Variants in SELENOV observed in about 807,000 individuals in gnomAD.
The protein encoded by SELENOV is selenoprotein V.
SELENOV carries 25 observed loss-of-function variants against 21.6 expected under a neutral mutation model. The ratio of observed to expected loss-of-function variants is 1.16; its 90% CI spans 0.84 to 1.62. SELENOV has a LOEUF of 1.62. Ranked by LOEUF, SELENOV falls within the 40% of genes most tolerant of loss-of-function variation. The pLI is 0.00. For synonymous variants in SELENOV, 227 were observed against 216.9 expected, an observed-to-expected ratio of 1.05 and a Z score of -0.41; for missense variants, 472 against 459.0, an observed-to-expected ratio of 1.03 and a Z score of -0.26.
At position 39,515,200 on chromosome 19, in the gene SELENOV, C is replaced by A. The variant is rs1025697377; in HGVS notation, c.-13C>A. ...GACTCCCCAACCGGCTTGCCCCGGT[C>A]CCCCTGGGCCCCATGAATAACCAGG... is the stretch of plus-strand genomic sequence containing the variant. On this transcript the variant is annotated 5_prime_UTR_variant, in exon 1 of 6. Coordinates refer to ENST00000335426, the Ensembl canonical transcript of SELENOV. The surrounding 1 kb of genome is among the most constrained non-coding windows in gnomAD (Gnocchi z 5.1). The A allele has an allele frequency of 2.5e-5, 37 of 1,500,606 alleles. No individual in the cohort carries two copies. The Admixed American group carries it at 7.4e-4, about 30-fold the overall frequency. The allele number at this position is 1,500,606 out of a possible 1,614,324, so 93.0% of individuals were successfully genotyped here. A position where few individuals can be genotyped will look rare whatever the true frequency, so the allele number is the denominator to read the frequency against.
intron 1 of SELENOV, among the ~76,000 whole-genome samples, chr19:39,518,257 C>A (rs977676624): frequency 7.1e-5 from 10 of 141,466 alleles, no homozygotes; most frequent in African/African-American, 2.7e-4. Flanking sequence ...GGCAACAGAG[C>A]GAGACTCCGT....
In SELENOV at chr19:39,515,326, G is replaced by A; in HGVS notation, c.114G>A (p.Arg38=). 4 of 1,551,330 alleles carry A rather than the reference G, an allele frequency of 2.6e-6. No homozygotes were observed. The highest frequency in any genetic ancestry group is 3.5e-6 in the Non-Finnish European group (4 of 1,146,870). Residue 38 remains arginine, a synonymous_variant, in exon 1 of 6, where the codon CGG becomes CGA. Transcript: ENST00000335426. This position sits in a 1 kb window ranked among gnomAD's most constrained non-coding sequence, Gnocchi z 5.1. Reference sequence around the variant, plus strand: ...CACTCCGGACCCCGACTCCGGTCCGGACTCGGACCCCCATCCGGACCCTGA... The same window carrying A: ...CACTCCGGACCCCGACTCCGGTCCGAACTCGGACCCCCATCCGGACCCTGA...
Position 39,515,137 on chromosome 19 carries a change from G to GGA in SELENOV, c.-73_-72dup, listed in dbSNP as rs1195636177. ...GCGCCGCGTCTCAGAACCCGGTGCG[G>GGA]GAGACGCTCTCCCCGCCCAAAGAGG... On this transcript the variant is annotated 5_prime_UTR_variant, in exon 1 of 6. Transcript: ENST00000335426. The surrounding 1 kb of genome is among the most constrained non-coding windows in gnomAD (Gnocchi z 5.1). The GGA allele has an allele frequency of 1.1e-6, 1 of 914,314 alleles. No individual in the cohort carries two copies. The highest frequency in any genetic ancestry group is 2.6e-5 in the Admixed American group (1 of 39,018). The allele number at this position is 914,314 out of a possible 1,614,324, so 56.6% of individuals were successfully genotyped here.
intron 1 of SELENOV, chr19:39,518,331 C>T (rs1281561917): frequency 4.0e-6 from 2 of 504,482 alleles, no homozygotes; most frequent in Non-Finnish European, 3.5e-6. Flanking sequence ...GAAAGATGAG[C>T]TAGGGGCTTC....
intron 1 of SELENOV, among the ~76,000 whole-genome samples, chr19:39,517,357 A>G (rs75826804): frequency 1.0e-3 from 156 of 152,270 alleles, no homozygotes; most frequent in African/African-American, 3.6e-3. Flanking sequence ...CATCAGGGAC[A>G]CAGCAGTGAA....
At position 39,515,874 on chromosome 19, in the gene SELENOV, C is replaced by T. The variant is rs778421837; in HGVS notation, c.662C>T (p.Ala221Val). 1 of 1,559,528 alleles carries T rather than the reference C, an allele frequency of 6.4e-7. No homozygotes were observed. The highest frequency in any genetic ancestry group is 8.7e-7 in the Non-Finnish European group (1 of 1,152,162). ...GCAGACCCGTCGGCCATCGGGCTGGCGGATCCCCCCATTCCCAGTCCTGTC... is the reference window on the plus strand; with the variant it reads ...GCAGACCCGTCGGCCATCGGGCTGGTGGATCCCCCCATTCCCAGTCCTGTC... Residue 221 changes from alanine (A) to valine (V), a missense_variant, in exon 1 of 6, where the codon GCG becomes GTG. Physicochemically the swap from Ala to Val is moderately conservative, Grantham distance 64 (BLOSUM62 0). Coordinates refer to ENST00000335426, the Ensembl canonical transcript of SELENOV. The surrounding 1 kb of genome is among the most constrained non-coding windows in gnomAD (Gnocchi z 5.1).
chr19:39,518,138 G>A (rs953430749), intron 1 of SELENOV, among the ~76,000 whole-genome samples: 12 of 151,610 alleles, frequency 7.9e-5, no homozygotes, highest in Non-Finnish European at 1.2e-4. Context: ...GGGCGTGGTG[G>A]TGGGCGCCTA....
At chr19:39,517,979 A>C (rs2079705977) in intron 1 of SELENOV, among the ~76,000 whole-genome samples, 1 of 138,742 alleles carries the variant, frequency 7.2e-6, no homozygotes, top group African/African-American at 2.7e-5. Flanking sequence ...AAAAAAAAAA[A>C]AAAAAAAAAA....
intron 5 of SELENOV, 21 bp from the exon 6 acceptor site, chr19:39,520,125 T>G (rs1375868913): frequency 6.6e-6 from 1 of 152,662 alleles, no homozygotes; most frequent in African/African-American, 2.4e-5. Context: ...TTAAAATTCT[T>G]TTCTTTCTCT....
intron 1 of SELENOV, 37 bp downstream of exon 1, chr19:39,516,058 G>A (rs1568454761): frequency 6.5e-7 from 1 of 1,539,602 alleles, no homozygotes; most frequent in African/African-American, 1.4e-5. Flanking sequence ...AACCCCCGGG[G>A]ACAGGGCCGG....
chr19:39,518,278 C>CAA (rs1198367446), intron 1 of SELENOV, among the ~76,000 whole-genome samples: 13 of 47,104 alleles, frequency 2.8e-4, no homozygotes, highest in African/African-American at 4.0e-4. Context: ...CTCAAAAAAA[C>CAA]AAAAAAACAA....
At chr19:39,519,149 C>T in exon 5 of SELENOV, 1 of 1,613,404 alleles carries the variant, frequency 6.2e-7, no homozygotes, top group Non-Finnish European at 8.5e-7. Flanking sequence ...GAAAAGGTAG[C>T]CGGCAAGGGG....
chr19:39,519,244 C>T (rs941634925), intron 5 of SELENOV, 74 bp downstream of exon 5: 16 of 988,292 alleles, frequency 1.6e-5, no homozygotes, highest in Middle Eastern at 2.9e-4. Flanking sequence ...GGCTCTGTCT[C>T]AGTCCTGATC....
At position 39,515,582 on chromosome 19, in the gene SELENOV, G is replaced by T; in HGVS notation, c.370G>T (p.Ala124Ser). The T allele has an allele frequency of 6.5e-7, 1 of 1,547,848 alleles. No homozygotes were observed. The highest frequency in any genetic ancestry group is 8.7e-7 in the Non-Finnish European group (1 of 1,146,686). The change falls in exon 1 of 6, where the codon GCC becomes TCC. Residue 124 changes from alanine to serine, a missense_variant. Coordinates refer to ENST00000335426, the Ensembl canonical transcript of SELENOV. The surrounding 1 kb of genome is among the most constrained non-coding windows in gnomAD (Gnocchi z 5.1). ...CCTGACTCCTCCAGTCCGGGTCCCA[G>T]CCCCAGCCCCAGCCCAGCTCCTGGC... is the stretch of plus-strand genomic sequence containing the variant.
chr19:39,519,075 G>C, exon 5 of SELENOV: 1 of 1,613,850 alleles, frequency 6.2e-7, no homozygotes, highest in Non-Finnish European at 8.5e-7. Context: ...GCCCAGAGGG[G>C]TGATGGCTTT....
chr19:39,520,546 A>G (rs1192578980), exon 6 of SELENOV: 1 of 152,242 alleles, frequency 6.6e-6, no homozygotes, highest in African/African-American at 2.4e-5. Flanking sequence ...GATGGCAGTC[A>G]GACTCAAACC....
At chr19:39,519,539 G>T (rs762218015) in intron 5 of SELENOV, among the ~76,000 whole-genome samples, 2 of 151,852 alleles carry the variant, frequency 1.3e-5, no homozygotes, top group Admixed American at 1.3e-4. Flanking sequence ...AGTGGCTCAC[G>T]CCTGTAATCC....
rs1373971048 is a variant in SELENOV, at chr19:39,515,799, C to T, written c.587C>T (p.Thr196Ile). The T allele has an allele frequency of 1.9e-6, 3 of 1,549,618 alleles. No homozygotes were observed. The highest frequency in any genetic ancestry group is 1.2e-5 in the South Asian group (1 of 84,016). Reference sequence around the variant, plus strand: ...GCCCCGGGGCCCCTTCCCACGCGCACCCCGCTGGCCGCGAACTCACCCGGG... The same window carrying T: ...GCCCCGGGGCCCCTTCCCACGCGCATCCCGCTGGCCGCGAACTCACCCGGG... Residue 196 changes from threonine to isoleucine, a missense_variant, in exon 1 of 6, where the codon ACC becomes ATC. By Grantham distance (89) the Thr-to-Ile change is moderately conservative. Transcript: ENST00000335426. This position sits in a 1 kb window ranked among gnomAD's most constrained non-coding sequence, Gnocchi z 5.1.
intron 1 of SELENOV, among the ~76,000 whole-genome samples, chr19:39,517,046 G>A (rs1351022365): frequency 6.7e-6 from 1 of 149,312 alleles, no homozygotes; most frequent in African/African-American, 2.5e-5. Context: ...TGGGGTGCGG[G>A]GGCAGTATCA....
Sources: allele counts gnomAD v4.1 joint callset (sites outside exome capture counted in the v4.1 genomes callset), GRCh38; gene constraint gnomAD v4.1.1; non-coding constraint Gnocchi (gnomAD v3.1); transcripts MANE v1.5; gene names NCBI Gene and HGNC (gene_info 2026-07-23, HGNC 2026-07-21).